The following DCC variants were observed in gnomAD, a reference collection of about 807,000 sequenced individuals.
DCC encodes DCC netrin 1 receptor, also known as netrin receptor DCC.
DCC carries 58 observed loss-of-function variants against 172.5 expected under a neutral mutation model. The ratio of observed to expected loss-of-function variants is 0.34; its 90% CI spans 0.27 to 0.42. The LOEUF is 0.42. Ranked by LOEUF, DCC falls within the 10% of genes least tolerant of loss-of-function variation. The pLI, the probability that DCC is intolerant of heterozygous loss-of-function variation, is 1.00. For synonymous variants in DCC, 709 were observed against 644.5 expected, an observed-to-expected ratio of 1.10 and a Z score of -1.52; for missense variants, 1,740 against 1,791.0, an observed-to-expected ratio of 0.97 and a Z score of 0.51.
At chr18:53,482,711 T>A (rs547773379) in intron 25 of DCC, among the ~76,000 whole-genome samples, 7,723 of 141,724 alleles carry the variant, frequency 0.054, 670 homozygotes, top group African/African-American at 0.18. Flanking sequence ...AGACTAACAT[T>A]GTCACATTTA....
chr18:53,526,557 G>A (rs2046457727), intron 27 of DCC, 60 bp from the exon 28 acceptor site: 2 of 1,553,622 alleles, frequency 1.3e-6, no homozygotes, highest in Admixed American at 1.7e-5. Flanking sequence ...GTATATACTT[G>A]AGAAAGTGTT....
At chr18:52,799,701 G>A (rs1251267688) in intron 2 of DCC, among the ~76,000 whole-genome samples, 3 of 151,714 alleles carry the variant, frequency 2.0e-5, no homozygotes, top group Admixed American at 1.3e-4. Context: ...TGCTAGGTTG[G>A]TTACTACAAA....
intron 25 of DCC, among the ~76,000 whole-genome samples, chr18:53,468,450 T>G (rs548670278): frequency 6.6e-6 from 1 of 151,818 alleles, no homozygotes; most frequent in African/African-American, 2.4e-5. Context: ...TGGCACAATC[T>G]TGGCTCACTG....
chr18:52,967,796 T>C lies in DCC; in HGVS notation c.985+42426T>C, dbSNP rs562516371. Among the ~76,000 whole-genome samples, 3 of 152,312 alleles carry C rather than the reference T, an allele frequency of 2.0e-5. No individual in the cohort carries two copies. The East Asian group carries it at 5.8e-4, about 29-fold the overall frequency. The stretch of plus-strand genomic sequence containing the variant: ...GGAAAATAAAAATGTAACCCGTATG[T>C]AACAATAGAAAATGAAATACAGGGA... On this transcript the variant is annotated intron_variant, in intron 5 of 28. Coordinates refer to ENST00000442544, the MANE Select transcript of DCC (RefSeq NM_005215.4).
At chr18:53,305,740 G>A (rs1479150793) in intron 13 of DCC, 21 bp downstream of exon 13, 2 of 1,612,118 alleles carry the variant, frequency 1.2e-6, no homozygotes, top group Non-Finnish European at 1.7e-6. Flanking sequence ...ACATGGTGTA[G>A]TCTTGCAAGG....
chr18:53,004,776 G>A (rs2041620017), intron 5 of DCC, among the ~76,000 whole-genome samples: 1 of 152,098 alleles, frequency 6.6e-6, no homozygotes, highest in Non-Finnish European at 1.5e-5. Flanking sequence ...ATGCCTGTGT[G>A]TGCAGGATCT....
intron 1 of DCC, among the ~76,000 whole-genome samples, chr18:52,501,531 G>T (rs75528881): frequency 3.9e-5 from 6 of 152,164 alleles, no homozygotes; most frequent in South Asian, 2.1e-4. Flanking sequence ...TTCAGGGAAG[G>T]GGGGAGAAGA....
chr18:53,268,101 C>T (rs1026763289), intron 12 of DCC, among the ~76,000 whole-genome samples: 2 of 151,934 alleles, frequency 1.3e-5, no homozygotes, highest in Non-Finnish European at 2.9e-5. Context: ...ACACAGGCAG[C>T]AAAAATGAGT....
chr18:52,543,059 A>T (rs907672061), intron 1 of DCC, among the ~76,000 whole-genome samples: 1 of 152,204 alleles, frequency 6.6e-6, no homozygotes, highest in African/African-American at 2.4e-5. Context: ...TCTTGGTCAG[A>T]TCTATCAGGA....
chr18:53,048,489 T>TTGTGTGTGTGTGTGTGTG (rs71175550), intron 5 of DCC, among the ~76,000 whole-genome samples: 2 of 139,356 alleles, frequency 1.4e-5, no homozygotes, highest in Non-Finnish European at 3.1e-5. Context: ...ACTCCATGGT[T>TTGTGTGTGTGTGTGTGTG]TGTGTGTGTG....
At chr18:53,260,847 C>A (rs897520104) in intron 12 of DCC, among the ~76,000 whole-genome samples, 4 of 152,128 alleles carry the variant, frequency 2.6e-5, no homozygotes, top group Non-Finnish European at 4.4e-5. Flanking sequence ...GTGGTGGGCT[C>A]CACCCTGTTC....
chr18:53,060,412 C>T (rs746592133), intron 5 of DCC, among the ~76,000 whole-genome samples: 11 of 152,024 alleles, frequency 7.2e-5, no homozygotes, highest in East Asian at 1.9e-4. Context: ...CCCTTGCCTG[C>T]TGTCTGATAT....
At chr18:53,072,872 G>C (rs905075105) in intron 7 of DCC, among the ~76,000 whole-genome samples, 1 of 152,136 alleles carries the variant, frequency 6.6e-6, no homozygotes, top group African/African-American at 2.4e-5. Context: ...TATATTAGCT[G>C]TGTGACATTA....
At chr18:53,349,244 T>C (rs921072368) in intron 15 of DCC, among the ~76,000 whole-genome samples, 3 of 152,176 alleles carry the variant, frequency 2.0e-5, no homozygotes, top group African/African-American at 7.2e-5. Flanking sequence ...CCAGTCTCTT[T>C]GCCAAAATAT....
intron 5 of DCC, among the ~76,000 whole-genome samples, chr18:52,986,667 A>G (rs767607778): frequency 1.3e-5 from 2 of 151,776 alleles, no homozygotes; most frequent in Non-Finnish European, 2.9e-5. Context: ...TTTCAGTAGG[A>G]TTTTTAGAAG....
rs548907583 is a variant in DCC, at chr18:52,813,161, T to A, written c.412+60787T>A. Among the ~76,000 whole-genome samples the A allele has an allele frequency of 2.8e-4, 42 of 151,746 alleles. 2 individuals carry two copies. The South Asian group carries it at 6.5e-3, about 23-fold the overall frequency. ...CCTAATGATCTTTCTCTATAAAATA[T>A]CACAATTCCAGGAAAAATCTTCTTA... On this transcript the variant is annotated intron_variant, in intron 2 of 28. Coordinates refer to ENST00000442544, the MANE Select transcript of DCC (RefSeq NM_005215.4).
chr18:52,487,742 C>T (rs545602944), intron 1 of DCC, among the ~76,000 whole-genome samples: 36 of 126,554 alleles, frequency 2.8e-4, no homozygotes, highest in African/African-American at 1.0e-3. Context: ...ATTCATGAGG[C>T]GGAGGTTGCA....
intron 5 of DCC, among the ~76,000 whole-genome samples, chr18:52,991,256 A>T (rs28583496): frequency 0.76 from 114,876 of 152,084 alleles, 43,758 homozygotes; most frequent in African/African-American, 0.83. Context: ...TAATTTTTTT[A>T]AATTTATCTT....
chr18:52,545,640 AG>A (rs1280226809), intron 1 of DCC, among the ~76,000 whole-genome samples: 36 of 152,296 alleles, frequency 2.4e-4, no homozygotes, highest in African/African-American at 8.2e-4. Context: ...AGGTCCCAGG[AG>A]ATTATCATAG....
Sources: allele counts gnomAD v4.1 joint callset (sites outside exome capture counted in the v4.1 genomes callset), GRCh38; gene constraint gnomAD v4.1.1; transcripts MANE v1.5; gene names NCBI Gene and HGNC (gene_info 2026-07-23, HGNC 2026-07-21).